Variants in VPS54 observed in about 807,000 individuals in gnomAD.
The protein encoded by VPS54 is vacuolar protein sorting-associated protein 54.
A neutral mutation model predicts 121.5 loss-of-function variants in VPS54; 45 were observed. That is an observed-to-expected ratio of 0.37 (90% CI 0.29 to 0.47). The LOEUF (loss-of-function observed/expected upper bound fraction) is 0.47. Among genes scored for constraint, VPS54 ranks in the 20% least tolerant of loss-of-function variants. The pLI, the probability that VPS54 is intolerant of heterozygous loss-of-function variation, is 0.99. For missense variants in VPS54, 1,090 were observed against 1,131.4 expected (o/e 0.96, Z 0.52); for synonymous variants, 371 against 385.8 (o/e 0.96, Z 0.45).
chr2:64,015,212 ATAG>A (rs1576028240), intron 1 of VPS54, among the ~76,000 whole-genome samples: 1 of 152,164 alleles, frequency 6.6e-6, no homozygotes, highest in Admixed American at 6.6e-5. Context: ...ATTCAAAACA[ATAG>A]TAGTCCAAAT....
intron 17 of VPS54, chr2:63,913,830 T>A (rs1673258801): frequency 9.5e-7 from 1 of 1,057,938 alleles, no homozygotes; most frequent in Non-Finnish European, 1.1e-6. Context: ...CTAACCTTAG[T>A]GAGATGAATT....
chr2:63,981,955 T>A, intron 2 of VPS54, 68 bp from the exon 3 acceptor site: 2 of 1,487,136 alleles, frequency 1.3e-6, no homozygotes, highest in Admixed American at 2.2e-5. Context: ...AAGTACACAC[T>A]AGAAAACTAA....
intron 7 of VPS54, among the ~76,000 whole-genome samples, chr2:63,953,911 T>G (rs1170567382): frequency 6.6e-6 from 1 of 152,226 alleles, no homozygotes; most frequent in Non-Finnish European, 1.5e-5. Flanking sequence ...TCACTTGTTT[T>G]ATCCCACAAC....
At chr2:63,986,823 C>T (rs1158539652) in intron 1 of VPS54, among the ~76,000 whole-genome samples, 2 of 152,228 alleles carry the variant, frequency 1.3e-5, no homozygotes, top group African/African-American at 4.8e-5. Flanking sequence ...TTCTGATTTG[C>T]ATTCCTCTGA....
chr2:63,981,636 T>C lies in VPS54; in HGVS notation c.378+10A>G, dbSNP rs1676805793. ...TGACCTGACTGTAACTAGCCAAGAT[T>C]AGATATTACCTGAGAGATTTCCTGT... On this transcript the variant is annotated intron_variant, in intron 3 of 22. Transcript: ENST00000272322. The C allele has an allele frequency of 1.9e-6, 3 of 1,560,518 alleles. No homozygotes were observed. Among genetic ancestry groups the C allele is most frequent in the Middle Eastern group, 3.5e-4 (2 of 5,792 alleles).
intron 1 of VPS54, among the ~76,000 whole-genome samples, chr2:64,012,238 T>C (rs1024174244): frequency 6.6e-6 from 1 of 152,098 alleles, no homozygotes; most frequent in Non-Finnish European, 1.5e-5. Context: ...TTTCTCCTGC[T>C]TGCAGAACAC....
At chr2:63,976,680 A>G (rs891734841) in intron 3 of VPS54, among the ~76,000 whole-genome samples, 10 of 152,116 alleles carry the variant, frequency 6.6e-5, no homozygotes, top group Non-Finnish European at 1.5e-4. Flanking sequence ...TGTGTCTTTC[A>G]AAATAAATTG....
At chr2:63,959,760 C>G (rs1323243829) in intron 7 of VPS54, among the ~76,000 whole-genome samples, 3 of 152,124 alleles carry the variant, frequency 2.0e-5, no homozygotes, top group African/African-American at 7.2e-5. Context: ...GTAGCTCACA[C>G]TTGTAATCCC....
chr2:63,976,363 AAC>A (rs1559034040), intron 3 of VPS54, among the ~76,000 whole-genome samples: 3 of 150,522 alleles, frequency 2.0e-5, no homozygotes, highest in African/African-American at 2.4e-5. Flanking sequence ...AAAAAAAAAA[AAC>A]AAAAAACAAA....
intron 1 of VPS54, among the ~76,000 whole-genome samples, chr2:63,994,368 A>T (rs541191114): frequency 6.6e-6 from 1 of 152,226 alleles, no homozygotes; most frequent in African/African-American, 2.4e-5. Context: ...TTTACCGGCT[A>T]CACAAAATTA....
rs1309919797 is a variant in VPS54 at position 63,892,802 on chromosome 2, T to C, written c.*628A>G. 6.6e-6 allele frequency: 1 copy of C among 152,408 alleles called. No individual in the cohort carries two copies. Among genetic ancestry groups the C allele is most frequent in the Admixed American group, 6.5e-5 (1 of 15,274 alleles). 9.4% of individuals were successfully genotyped at this position (152,408 alleles called of 1,614,324 possible). On this transcript the variant is annotated 3_prime_UTR_variant, in exon 23 of 23. Transcript: ENST00000272322. ...GTATTTAGAGAGCTCTGGAAGGCTT[T>C]ACCCAGTTGACATACGGTGGTAGTA...
chr2:63,986,101 T>C (rs1248745940), intron 1 of VPS54, among the ~76,000 whole-genome samples: 1 of 152,208 alleles, frequency 6.6e-6, no homozygotes, highest in African/African-American at 2.4e-5. Context: ...GAGTACACAG[T>C]AGGTATTTAT....
At chr2:63,914,111 T>A in intron 17 of VPS54, 71 bp downstream of exon 17, 1 of 1,245,688 alleles carries the variant, frequency 8.0e-7, no homozygotes, top group Non-Finnish European at 1.2e-6. Context: ...GTCTTTGAGT[T>A]AAGATTAGTC....
chr2:63,947,918 C>G (rs1675058368), intron 8 of VPS54, among the ~76,000 whole-genome samples: 1 of 151,986 alleles, frequency 6.6e-6, no homozygotes, highest in Non-Finnish European at 1.5e-5. Flanking sequence ...CTCACTGCAG[C>G]CTTGATCTCC....
At chr2:63,914,034 A>G in intron 17 of VPS54, 148 bp downstream of exon 17, 1 of 1,028,836 alleles carries the variant, frequency 9.7e-7, no homozygotes. Flanking sequence ...TTCCAATAAC[A>G]TGTTGTGATT....
chr2:63,927,426 T>C (rs768007115), intron 12 of VPS54, among the ~76,000 whole-genome samples: 5 of 152,194 alleles, frequency 3.3e-5, no homozygotes, highest in Non-Finnish European at 5.9e-5. Context: ...GGGATGTGAC[T>C]GTTGGAAGGA....
chr2:63,993,316 G>A (rs1331243854), intron 1 of VPS54, among the ~76,000 whole-genome samples: 2 of 152,160 alleles, frequency 1.3e-5, no homozygotes, highest in Non-Finnish European at 2.9e-5. Flanking sequence ...GCTGCGGGGA[G>A]ATTCCAATCT....
chr2:63,990,254 CTT>C (rs574931549), intron 1 of VPS54, among the ~76,000 whole-genome samples: 2 of 152,138 alleles, frequency 1.3e-5, no homozygotes, highest in Admixed American at 6.5e-5. Context: ...ACTCTGGTGA[CTT>C]TGGCTTAACG....
chr2:63,918,568 C>G (rs1267520202), intron 15 of VPS54, among the ~76,000 whole-genome samples: 2 of 151,898 alleles, frequency 1.3e-5, no homozygotes, highest in Admixed American at 6.6e-5. Flanking sequence ...CTCTACCACC[C>G]AACACTATTA....
Sources: allele counts gnomAD v4.1 joint callset (sites outside exome capture counted in the v4.1 genomes callset), GRCh38; gene constraint gnomAD v4.1.1; transcripts MANE v1.5; gene names NCBI Gene and HGNC (gene_info 2026-07-23, HGNC 2026-07-21).